The following KSR2 variants were observed in gnomAD, a reference collection of about 807,000 sequenced individuals.
KSR2 encodes kinase suppressor of ras 2.
A neutral mutation model predicts 107.8 loss-of-function variants in KSR2; 25 were observed. That is an observed-to-expected ratio of 0.23 (90% CI 0.17 to 0.32). KSR2 has a LOEUF of 0.32. Among genes scored for constraint, KSR2 ranks in the 10% least tolerant of loss-of-function variants. KSR2 has a pLI of 1.00. For missense variants in KSR2, 887 were observed against 1,268.9 expected (o/e 0.70, Z 4.57); for synonymous variants, 480 against 507.0 (o/e 0.95, Z 0.71).
intron 4 of KSR2, among the ~76,000 whole-genome samples, chr12:117,755,312 C>T (rs1048018905): frequency 2.0e-5 from 3 of 152,226 alleles, no homozygotes; most frequent in African/African-American, 7.2e-5. Context: ...AGGTTTGTGG[C>T]AACCGTGCAT....
intron 4 of KSR2, among the ~76,000 whole-genome samples, chr12:117,735,580 A>G (rs1263221166): frequency 6.6e-6 from 1 of 152,148 alleles, no homozygotes; most frequent in Non-Finnish European, 1.5e-5. Context: ...TGTTAATAAT[A>G]ATAACTGTAA....
At chr12:117,549,529 A>T (rs1877134445) in intron 9 of KSR2, among the ~76,000 whole-genome samples, 1 of 152,150 alleles carries the variant, frequency 6.6e-6, no homozygotes, top group South Asian at 2.1e-4. Context: ...TGAGACAGGG[A>T]GTATGTTATA....
chr12:117,723,784 C>T (rs1331075428), intron 4 of KSR2, among the ~76,000 whole-genome samples: 2 of 151,966 alleles, frequency 1.3e-5, no homozygotes, highest in Non-Finnish European at 2.9e-5. Flanking sequence ...TCTTGTGAGT[C>T]TTCAACCATT....
At position 117,485,677 on chromosome 12, in the gene KSR2, C is replaced by T. The variant is rs771225839; in HGVS notation, c.2234G>A (p.Arg745Gln). ...ATCCCTCACAACGGAATAGAGCGTCCGTCCCTTACAGAGGCTGAAAAGCAA... is the reference window on the plus strand; with the variant it reads ...ATCCCTCACAACGGAATAGAGCGTCTGTCCCTTACAGAGGCTGAAAAGCAA... ...LAIITSLCKGRTLYSVVRDAK... is the reference protein window; with the variant it reads ...LAIITSLCKGQTLYSVVRDAK... The change falls in exon 15 of 20, where the codon CGG becomes CAG. Residue 745 changes from arginine to glutamine, a missense_variant. Physicochemically the swap from Arg to Gln is conservative, Grantham distance 43 (BLOSUM62 1). This residue lies in a region of KSR2 where 308 missense variants were observed against 506.2 expected (regional missense o/e 0.61). Transcript: ENST00000339824. 5 of 1,612,798 alleles carry T rather than the reference C, an allele frequency of 3.1e-6. No individual in the cohort carries two copies. The highest frequency in any genetic ancestry group is 1.3e-5 in the African/African-American group (1 of 74,894).
chr12:117,470,793 T>C (rs896984204), intron 18 of KSR2, among the ~76,000 whole-genome samples: 1 of 152,258 alleles, frequency 6.6e-6, no homozygotes, highest in African/African-American at 2.4e-5. Context: ...CTTCTCTGTT[T>C]CTGTATGTCT....
intron 3 of KSR2, among the ~76,000 whole-genome samples, chr12:117,813,784 A>C (rs1891280130): frequency 6.6e-6 from 1 of 152,186 alleles, no homozygotes; most frequent in Non-Finnish European, 1.5e-5. Flanking sequence ...CATTTATCCA[A>C]AGGAAAAGAA....
chr12:117,829,051 C>T lies in KSR2; in HGVS notation c.472+26377G>A, dbSNP rs796084639. Among the ~76,000 whole-genome samples the T allele has an allele frequency of 2.0e-5, 3 of 152,294 alleles. No individual in the cohort carries two copies. The East Asian group carries it at 5.8e-4, about 29-fold the overall frequency. ...AGTATGATGAACTCAGTCAACCACA[C>T]ACCACCCCTTAAGTTGCTCCTTGAA... On this transcript the variant is annotated intron_variant, in intron 3 of 19. Coordinates refer to ENST00000339824, the MANE Select transcript of KSR2 (RefSeq NM_173598.6).
intron 19 of KSR2, among the ~76,000 whole-genome samples, chr12:117,469,154 G>C (rs538517654): frequency 6.6e-6 from 1 of 152,260 alleles, no homozygotes; most frequent in South Asian, 2.1e-4. Context: ...AGCATGGTCT[G>C]GAGCCTCTTA....
Position 117,562,438 on chromosome 12 carries a change from C to T in KSR2, c.1326-3865G>A, listed in dbSNP as rs897966591. Among the ~76,000 whole-genome samples, 5 of 152,152 alleles carry T rather than the reference C, an allele frequency of 3.3e-5. No homozygotes were observed. In the East Asian group the frequency reaches 9.6e-4, roughly 29 times the overall value. On this transcript the variant is annotated intron_variant, in intron 7 of 19. Coordinates refer to ENST00000339824, the MANE Select transcript of KSR2 (RefSeq NM_173598.6). ...GGGGAGTCAGTCCAAGAAGTTTCTG[C>T]ACTTGGAATAGCTGGACTCCACCCC...
chr12:117,553,640 T>A (rs1322110669), intron 9 of KSR2, among the ~76,000 whole-genome samples: 1 of 152,122 alleles, frequency 6.6e-6, no homozygotes, highest in Admixed American at 6.5e-5. Flanking sequence ...CTCCTCCAAA[T>A]CTCATGTTGA....
chr12:117,848,850 A>AGTGGTGGTGGTGG (rs1555249552), intron 3 of KSR2, among the ~76,000 whole-genome samples: 14 of 87,146 alleles, frequency 1.6e-4, no homozygotes, highest in South Asian at 3.8e-4. Flanking sequence ...GGTGATGGTG[A>AGTGGTGGTGGTGG]TGATGGTGAT....
intron 4 of KSR2, among the ~76,000 whole-genome samples, chr12:117,706,071 TC>T (rs1886517714): frequency 7.5e-6 from 1 of 133,298 alleles, no homozygotes; most frequent in Non-Finnish European, 1.5e-5. Flanking sequence ...TGAGACGGAG[TC>T]CTGCTCTGTC....
chr12:117,535,239 G>A (rs755816021), intron 10 of KSR2, among the ~76,000 whole-genome samples: 5 of 152,208 alleles, frequency 3.3e-5, no homozygotes, highest in Non-Finnish European at 7.3e-5. Context: ...GCCCTGGGCA[G>A]TGCATGAAAT....
intron 1 of KSR2, among the ~76,000 whole-genome samples, chr12:117,916,717 C>G (rs1895185703): frequency 6.6e-6 from 1 of 152,288 alleles, no homozygotes; most frequent in South Asian, 2.1e-4. Context: ...CACAGGATAA[C>G]TAAGCCACGA....
chr12:117,874,620 G>A lies in KSR2; in HGVS notation c.181-14189C>T, dbSNP rs951672502. ...GTGATCACACAGATAAAGCAGCATC[G>A]GGATCGTGATTTGAACTCAGGACCT... On this transcript the variant is annotated intron_variant, in intron 1 of 19. Transcript: ENST00000339824. Among the ~76,000 whole-genome samples, 6 of 152,088 alleles carry A rather than the reference G, an allele frequency of 3.9e-5. No individual in the cohort carries two copies. The East Asian group carries it at 9.6e-4, about 24-fold the overall frequency.
chr12:117,650,484 A>G (rs1179413793), intron 5 of KSR2, among the ~76,000 whole-genome samples: 2 of 152,222 alleles, frequency 1.3e-5, no homozygotes, highest in East Asian at 3.8e-4. Context: ...GGAATAGAAT[A>G]TTAAGGATGG....
chr12:117,747,433 G>C (rs919605503), intron 4 of KSR2, among the ~76,000 whole-genome samples: 1 of 151,796 alleles, frequency 6.6e-6, no homozygotes, highest in Admixed American at 6.6e-5. Context: ...GGGCCTGTTG[G>C]GGGGTGGGGG....
chr12:117,727,716 C>A (rs779369701), intron 4 of KSR2, among the ~76,000 whole-genome samples: 38 of 152,222 alleles, frequency 2.5e-4, no homozygotes, highest in Non-Finnish European at 4.4e-4. Flanking sequence ...CACCTTGACT[C>A]GGGACTTCTG....
intron 3 of KSR2, among the ~76,000 whole-genome samples, chr12:117,800,386 C>T (rs553702037): frequency 4.6e-5 from 7 of 152,024 alleles, no homozygotes; most frequent in South Asian, 2.1e-4. Context: ...TTCTGCCCCC[C>T]CCAAAGCCTA....
Sources: allele counts gnomAD v4.1 joint callset (sites outside exome capture counted in the v4.1 genomes callset), GRCh38; gene constraint gnomAD v4.1.1; regional missense constraint gnomAD v4.1.1; transcripts MANE v1.5; gene names NCBI Gene and HGNC (gene_info 2026-07-23, HGNC 2026-07-21).